Variants in KMT2C observed in about 807,000 individuals in gnomAD.
KMT2C encodes the protein histone-lysine N-methyltransferase 2C.
In KMT2C, 88 loss-of-function variants were observed where a neutral mutation model predicts 507.9. That is an observed-to-expected ratio of 0.17 (90% CI 0.15 to 0.21). The LOEUF (loss-of-function observed/expected upper bound fraction) is 0.21. KMT2C is among the 10% of genes least tolerant of loss of function. The pLI is 1.00. For synonymous variants in KMT2C, 2,049 were observed against 2,080.8 expected (o/e 0.98, Z 0.42); for missense variants, 4,954 against 5,957.8 (o/e 0.83, Z 5.55).
intron 42 of KMT2C, among the ~76,000 whole-genome samples, chr7:152,165,978 G>A (rs1037430082): frequency 6.6e-6 from 1 of 151,692 alleles, no homozygotes; most frequent in African/African-American, 2.4e-5. Context: ...GTGAGCCACC[G>A]TGCCTGGCCA....
At chr7:152,165,680 AT>A (rs575568284) in intron 42 of KMT2C, among the ~76,000 whole-genome samples, 2 of 151,718 alleles carry the variant, frequency 1.3e-5, no homozygotes, top group Non-Finnish European at 2.9e-5. Context: ...ATTTTTTGGG[AT>A]TTTTTTTGTT....
At chr7:152,201,119 C>CT (rs1036653419) in intron 26 of KMT2C, among the ~76,000 whole-genome samples, 5 of 152,106 alleles carry the variant, frequency 3.3e-5, no homozygotes, top group African/African-American at 1.2e-4. Flanking sequence ...AGAATTCTGT[C>CT]TAATGACTCA....
intron 1 of KMT2C, among the ~76,000 whole-genome samples, chr7:152,429,612 CT>C (rs769096257): frequency 1.3e-5 from 2 of 151,834 alleles, no homozygotes; most frequent in Non-Finnish European, 2.9e-5. Flanking sequence ...CCTCTGCCTC[CT>C]GGGTTCAAGC....
At chr7:152,401,728 A>G (rs1363977226) in intron 1 of KMT2C, among the ~76,000 whole-genome samples, 1 of 152,264 alleles carries the variant, frequency 6.6e-6, no homozygotes, top group Admixed American at 6.5e-5. Context: ...AGTAAGGAGT[A>G]CAATACAGCG....
intron 23 of KMT2C, among the ~76,000 whole-genome samples, chr7:152,216,445 G>A (rs1263235225): frequency 6.6e-6 from 1 of 152,162 alleles, no homozygotes; most frequent in Admixed American, 6.6e-5. Flanking sequence ...CTGTAGATGT[G>A]TGTAATATAA....
At chr7:152,262,488 G>C (rs2095796667) in intron 9 of KMT2C, among the ~76,000 whole-genome samples, 1 of 152,204 alleles carries the variant, frequency 6.6e-6, no homozygotes, top group Non-Finnish European at 1.5e-5. Flanking sequence ...AGCCAAGTGA[G>C]GTAGGAAGTT....
intron 6 of KMT2C, among the ~76,000 whole-genome samples, chr7:152,302,080 G>A (rs1306939096): frequency 1.3e-5 from 2 of 152,108 alleles, no homozygotes; most frequent in Non-Finnish European, 2.9e-5. Context: ...TCTTCTCACA[G>A]AACTAAGTTG....
chr7:152,260,136 T>A (rs965456955), intron 9 of KMT2C, among the ~76,000 whole-genome samples: 17 of 152,196 alleles, frequency 1.1e-4, no homozygotes, highest in African/African-American at 4.1e-4. Flanking sequence ...GATCATCAAT[T>A]TAGTAACTGA....
chr7:152,432,874 C>G (rs1486410919), intron 1 of KMT2C, among the ~76,000 whole-genome samples: 1 of 151,906 alleles, frequency 6.6e-6, no homozygotes, highest in Non-Finnish European at 1.5e-5. Flanking sequence ...CAGCGGGGTG[C>G]GGTGGCTCAC....
chr7:152,201,129 A>C (rs1369866674), intron 26 of KMT2C, among the ~76,000 whole-genome samples: 1 of 152,154 alleles, frequency 6.6e-6, no homozygotes, highest in East Asian at 1.9e-4. Context: ...CTAATGACTC[A>C]TGACTTTACT....
At chr7:152,210,552 TA>T (rs374107363) in intron 23 of KMT2C, among the ~76,000 whole-genome samples, 159 of 151,164 alleles carry the variant, frequency 1.1e-3, no homozygotes, top group African/African-American at 3.6e-3. Flanking sequence ...TTTTTTTTTT[TA>T]AAAAAGCTCA....
intron 1 of KMT2C, among the ~76,000 whole-genome samples, chr7:152,393,028 T>C (rs2097512181): frequency 6.6e-6 from 1 of 152,046 alleles, no homozygotes; most frequent in Non-Finnish European, 1.5e-5. Flanking sequence ...GCCAGGGAGG[T>C]TGAGGCTGCA....
chr7:152,344,624 CAA>C (rs1009854743), intron 2 of KMT2C, among the ~76,000 whole-genome samples: 3 of 140,062 alleles, frequency 2.1e-5, no homozygotes, highest in South Asian at 2.3e-4. Flanking sequence ...GGCAACAACT[CAA>C]AAAAAAAAAG....
Position 152,176,596 on chromosome 7 carries a change from T to G in KMT2C, c.8857A>C (p.Ser2953Arg), listed in dbSNP as rs1478208996. 1 of 1,614,044 alleles carries G rather than the reference T, an allele frequency of 6.2e-7. No individual in the cohort carries two copies. The highest frequency in any genetic ancestry group is 1.3e-5 in the African/African-American group (1 of 74,928). The change falls in exon 38 of 59, where the codon AGT (serine) becomes CGT (arginine). Residue 2953 changes from serine (S) to arginine (R), a missense_variant. This residue lies in a region of KMT2C where 1,689 missense variants were observed against 1,654.3 expected (regional missense o/e 1.02). Coordinates refer to ENST00000262189, the MANE Select transcript of KMT2C (RefSeq NM_170606.3). ...LPASPSNHVS[S>R]LPPFIAPPGR... ...GGCGGTGCTATGAAAGGAGGCAAAC[T>G]TGACACATGATTGGATGGGGAGGCC...
intron 1 of KMT2C, among the ~76,000 whole-genome samples, chr7:152,426,652 T>C (rs897059435): frequency 5.3e-5 from 8 of 152,194 alleles, no homozygotes; most frequent in African/African-American, 1.9e-4. Flanking sequence ...GTAACAACAG[T>C]AGTTAAATCC....
At chr7:152,233,196 G>A (rs1002534335) in intron 16 of KMT2C, among the ~76,000 whole-genome samples, 2 of 152,106 alleles carry the variant, frequency 1.3e-5, no homozygotes, top group Non-Finnish European at 2.9e-5. Flanking sequence ...GTATCATCTA[G>A]CTTGAAGACC....
At chr7:152,424,953 C>T (rs1302551996) in intron 1 of KMT2C, among the ~76,000 whole-genome samples, 2 of 152,136 alleles carry the variant, frequency 1.3e-5, no homozygotes, top group East Asian at 1.9e-4. Flanking sequence ...ATGCTCAAGG[C>T]TTGTACCCAA....
chr7:152,290,236 G>GTGTGTA (rs2096389540), intron 6 of KMT2C, among the ~76,000 whole-genome samples: 1 of 100,854 alleles, frequency 9.9e-6, no homozygotes, highest in African/African-American at 4.8e-5. Context: ...GTGTGTGTGT[G>GTGTGTA]TGTGTGTGTG....
At chr7:152,307,262 G>GA (rs1563803445) in intron 6 of KMT2C, among the ~76,000 whole-genome samples, 2 of 120,386 alleles carry the variant, frequency 1.7e-5, no homozygotes, top group African/African-American at 8.0e-5. Context: ...CGGTAGGAAG[G>GA]AAGGAAGGAA....
Sources: allele counts gnomAD v4.1 joint callset (sites outside exome capture counted in the v4.1 genomes callset), GRCh38; gene constraint gnomAD v4.1.1; regional missense constraint gnomAD v4.1.1; transcripts MANE v1.5; gene names NCBI Gene and HGNC (gene_info 2026-07-23, HGNC 2026-07-21).